RB1CC1: variants seen among roughly 807,000 people sequenced by gnomAD.
The protein encoded by RB1CC1 is RB1 inducible coiled-coil 1.
A neutral mutation model predicts 177.5 loss-of-function variants in RB1CC1; 46 were observed. The observed-to-expected ratio is 0.26, with a 90% CI of 0.20 to 0.33. The LOEUF (loss-of-function observed/expected upper bound fraction) is 0.33, where lower values mean the gene tolerates loss of function less well. Among genes scored for constraint, RB1CC1 ranks in the 10% least tolerant of loss-of-function variants. The probability of loss-of-function intolerance (pLI) is 1.00; values close to 1 mark genes in which losing one functional copy is unlikely to be tolerated. For missense variants in RB1CC1, 1,703 were observed against 1,816.3 expected, an observed-to-expected ratio of 0.94 and a Z score of 1.13; for synonymous variants, 666 against 613.6, an observed-to-expected ratio of 1.09 and a Z score of -1.26.
intron 5 of RB1CC1, 80 bp from the exon 6 acceptor site, chr8:52,676,651 G>A: frequency 7.9e-7 from 1 of 1,265,450 alleles, no homozygotes; most frequent in East Asian, 2.4e-5. Context: ...TTACAAACAT[G>A]TACGTGTGGA....
rs748101375 is a variant in RB1CC1, at chr8:52,645,838, G to A, written c.3851C>T (p.Ser1284Phe). The A allele has an allele frequency of 1.1e-5, 17 of 1,608,788 alleles. No individual in the cohort carries two copies. In the Middle Eastern group the frequency reaches 8.3e-4, roughly 79 times the overall value. ...SPAIDSTRGD[S>F]SSLVAELQEK... ...TTGAAGTTCAGCAACTAAGCTTGAA[G>A]AATCTCCTCTGGTAGAGTCAATGGC... The change falls in exon 16 of 24, where the codon TCT becomes TTT. Residue 1284 changes from serine to phenylalanine, a missense_variant. Physicochemically the swap from Ser to Phe is radical, Grantham distance 155. Transcript: ENST00000025008.
At chr8:52,632,570 G>T (rs978006794) in intron 20 of RB1CC1, among the ~76,000 whole-genome samples, 10 of 152,150 alleles carry the variant, frequency 6.6e-5, no homozygotes, top group African/African-American at 2.4e-4. Context: ...GACAATGGAA[G>T]AAAAAATTTG....
intron 20 of RB1CC1, among the ~76,000 whole-genome samples, chr8:52,634,637 G>A (rs1052334732): frequency 4.6e-5 from 7 of 152,094 alleles, no homozygotes; most frequent in Non-Finnish European, 8.8e-5. Flanking sequence ...ATGATTTTAA[G>A]AATCTTAGGT....
At chr8:52,675,499 T>C (rs1853016216) in intron 6 of RB1CC1, among the ~76,000 whole-genome samples, 1 of 151,958 alleles carries the variant, frequency 6.6e-6, no homozygotes, top group Admixed American at 6.6e-5. Flanking sequence ...ACTACAGCCC[T>C]TTTAAAAAAA....
At chr8:52,681,055 G>A (rs1839999) in intron 5 of RB1CC1, among the ~76,000 whole-genome samples, 2,118 of 149,484 alleles carry the variant, frequency 0.014, 18 homozygotes, top group Non-Finnish European at 0.021. Context: ...GCAGTGGTGC[G>A]ATCTTGGCTC....
At chr8:52,661,473 G>A in intron 9 of RB1CC1, 62 bp downstream of exon 9, 1 of 1,492,342 alleles carries the variant, frequency 6.7e-7, no homozygotes, top group South Asian at 1.3e-5. Context: ...CCATCATTTG[G>A]GAGAAATAAA....
At chr8:52,704,554 G>C (rs1275306764) in intron 1 of RB1CC1, among the ~76,000 whole-genome samples, 1 of 150,844 alleles carries the variant, frequency 6.6e-6, no homozygotes, top group Non-Finnish European at 1.5e-5. Flanking sequence ...AAACTTAAGA[G>C]GATAAACTTA....
At chr8:52,685,090 C>T (rs1854142780) in intron 3 of RB1CC1, among the ~76,000 whole-genome samples, 1 of 150,880 alleles carries the variant, frequency 6.6e-6, no homozygotes, top group Non-Finnish European at 1.5e-5. Flanking sequence ...GCAACCTCTG[C>T]CCCCCGGGGT....
intron 1 of RB1CC1, among the ~76,000 whole-genome samples, chr8:52,700,205 C>T (rs1855923263): frequency 6.6e-6 from 1 of 152,022 alleles, no homozygotes; most frequent in Non-Finnish European, 1.5e-5. Flanking sequence ...GGTGGTAAGA[C>T]AGAGCTGAGA....
At chr8:52,688,297 AT>A (rs1468047961) in intron 1 of RB1CC1, among the ~76,000 whole-genome samples, 1 of 152,220 alleles carries the variant, frequency 6.6e-6, no homozygotes, top group Non-Finnish European at 1.5e-5. Context: ...CTATAAACAT[AT>A]GTGCAAGTAG....
In RB1CC1 at chr8:52,685,739, T is replaced by C. The variant is rs537960415; in HGVS notation, c.-51-219A>G. ...TTTAGTGAAAAGAAAAGCATAACTG[T>C]TCTGCCACAGGAAAAAAAGTTTGAT... On this transcript the variant is annotated intron_variant, in intron 2 of 23. Coordinates refer to ENST00000025008, the MANE Select transcript of RB1CC1 (RefSeq NM_014781.5). 2.0e-4 allele frequency among the ~76,000 whole-genome samples: 31 copies of C among 152,246 alleles called. No individual in the cohort carries two copies. In the South Asian group the frequency reaches 6.2e-3, roughly 31 times the overall value.
chr8:52,650,440 G>C (rs921349925), intron 15 of RB1CC1, among the ~76,000 whole-genome samples: 1 of 152,182 alleles, frequency 6.6e-6, no homozygotes, highest in Non-Finnish European at 1.5e-5. Flanking sequence ...TCAAAGAACT[G>C]TATCAGTTTC....
In RB1CC1 at chr8:52,661,207, T is replaced by C; in HGVS notation, c.1433A>G (p.Glu478Gly). The C allele has an allele frequency of 6.2e-7, 1 of 1,613,930 alleles. No individual in the cohort carries two copies. The highest frequency in any genetic ancestry group is 8.5e-7 in the Non-Finnish European group (1 of 1,179,886). ...KLQALLRLVI[E>G]LLERVKIVEA... ...AACAATTTTGACTCTTTCTAACAGC[T>C]CTATTACGAGGCGGAGCAAAGCTTG... The change falls in exon 10 of 24, where the codon GAG becomes GGG. Residue 478 changes from glutamate (E) to glycine (G), a missense_variant. Glu to Gly is a moderately conservative substitution (Grantham distance 98). Coordinates refer to ENST00000025008, the MANE Select transcript of RB1CC1 (RefSeq NM_014781.5).
intron 18 of RB1CC1, among the ~76,000 whole-genome samples, chr8:52,641,587 C>A (rs1392660043): frequency 6.6e-6 from 1 of 151,948 alleles, no homozygotes; most frequent in African/African-American, 2.4e-5. Context: ...GGGGACCACG[C>A]TGATTCTATG....
At position 52,628,171 on chromosome 8, in the gene RB1CC1, G is replaced by T. The variant is rs1563344891; in HGVS notation, c.4500-3C>A. ...GTACCAAATCTCCCACCTGAAAACT[G>T]AATAAAGAAATGCAATTTTATTGAC... On this transcript the variant is annotated splice_polypyrimidine_tract_variant and splice_region_variant and intron_variant, in intron 21 of 23. Coordinates refer to ENST00000025008, the MANE Select transcript of RB1CC1 (RefSeq NM_014781.5). The T allele has an allele frequency of 6.2e-7, 1 of 1,605,586 alleles. No individual in the cohort carries two copies. The highest frequency in any genetic ancestry group is 8.5e-7 in the Non-Finnish European group (1 of 1,175,580).
In RB1CC1 at chr8:52,673,960, G is replaced by A; in HGVS notation, c.887C>T (p.Thr296Ile). 2 of 1,614,112 alleles carry A rather than the reference G, an allele frequency of 1.2e-6. No individual in the cohort carries two copies. The highest frequency in any genetic ancestry group is 1.7e-6 in the Non-Finnish European group (2 of 1,179,992). ...AAAAAAGGGCAGATCACCATCTTTA[G>A]TGTCAATCGTAGTTTCATCTTGCTG... ...VHQQDETTID[T>I]KDGDLPFFNV... Residue 296 changes from threonine (T) to isoleucine (I), a missense_variant, in exon 7 of 24, where the codon ACT (threonine) becomes ATT (isoleucine). By Grantham distance (89) the Thr-to-Ile change is moderately conservative (BLOSUM62 -1). Around this residue, in one of 6 missense-constraint regions of RB1CC1, gnomAD observed 315 missense variants for 304.9 expected, o/e 1.03. Transcript: ENST00000025008.
chr8:52,688,493 A>C (rs564396964), intron 1 of RB1CC1, among the ~76,000 whole-genome samples: 23 of 151,082 alleles, frequency 1.5e-4, no homozygotes, highest in African/African-American at 5.6e-4. Flanking sequence ...GTGGGGAAAA[A>C]CTCCGCCCTA....
At chr8:52,630,104 C>T (rs755010055) in intron 21 of RB1CC1, among the ~76,000 whole-genome samples, 1 of 151,964 alleles carries the variant, frequency 6.6e-6, no homozygotes, top group Non-Finnish European at 1.5e-5. Flanking sequence ...AATCTAAAAA[C>T]TAAAAATGAG....
chr8:52,683,162 C>A (rs1853924937), intron 5 of RB1CC1, among the ~76,000 whole-genome samples: 1 of 152,096 alleles, frequency 6.6e-6, no homozygotes, highest in Non-Finnish European at 1.5e-5. Context: ...TAGAAAGAAA[C>A]CTAATTCTCC....
Sources: allele counts gnomAD v4.1 joint callset (sites outside exome capture counted in the v4.1 genomes callset), GRCh38; gene constraint gnomAD v4.1.1; regional missense constraint gnomAD v4.1.1; transcripts MANE v1.5; gene names NCBI Gene and HGNC (gene_info 2026-07-23, HGNC 2026-07-21).